PCDHGB7: variants seen among roughly 807,000 people sequenced by gnomAD.
The protein encoded by PCDHGB7 is protocadherin gamma subfamily B, 7, also known as protocadherin gamma-B7.
A neutral mutation model predicts 61.4 loss-of-function variants in PCDHGB7; 37 were observed. That is an observed-to-expected ratio of 0.60 (90% confidence interval 0.46 to 0.79). The LOEUF (loss-of-function observed/expected upper bound fraction) is 0.79, where lower values mean the gene tolerates loss of function less well. PCDHGB7 is among the 30% of genes least tolerant of loss of function. The pLI is 0.00. For synonymous variants in PCDHGB7, 464 were observed against 503.5 expected, an observed-to-expected ratio of 0.92 and a Z score of 1.05; for missense variants, 1,166 against 1,202.5, an observed-to-expected ratio of 0.97 and a Z score of 0.45.
In PCDHGB7 at chr5:141,476,659, G is replaced by A; in HGVS notation, c.2416-18148G>A. On this transcript the variant is annotated intron_variant, in intron 1 of 3. Coordinates refer to ENST00000398594, the MANE Select transcript of PCDHGB7 (RefSeq NM_018927.4). The surrounding 1 kb of genome is among the most constrained non-coding windows in gnomAD (Gnocchi z 7.6). ...AGCTGAGCCGAAATGAATACTTTGC[G>A]CTTCGCGTGCAGACGCGGGAGGACA... 2 of 1,614,252 alleles carry A rather than the reference G, an allele frequency of 1.2e-6. No homozygotes were observed. Among genetic ancestry groups the A allele is most frequent in the Non-Finnish European group, 8.5e-7 (1 of 1,180,048 alleles).
intron 1 of PCDHGB7, among the ~76,000 whole-genome samples, chr5:141,469,103 C>G (rs949254605): frequency 6.6e-6 from 1 of 151,844 alleles, no homozygotes; most frequent in Non-Finnish European, 1.5e-5. Flanking sequence ...AAAGCAAGAA[C>G]CTGTCTCTAA....
In PCDHGB7 at chr5:141,490,647, G is replaced by T; in HGVS notation, c.2416-4160G>T. 6.2e-7 allele frequency: 1 copy of T among 1,614,084 alleles called. No homozygotes were observed. Among genetic ancestry groups the T allele is most frequent in the Non-Finnish European group, 8.5e-7 (1 of 1,180,014 alleles). ...CTTACATCCTAGAAAACCGGCCTCCGGGCTCCCTTCTTTGCACTGTGGCTG... is the reference window on the plus strand; with the variant it reads ...CTTACATCCTAGAAAACCGGCCTCCTGGCTCCCTTCTTTGCACTGTGGCTG... On this transcript the variant is annotated intron_variant, in intron 1 of 3. Transcript: ENST00000398594. This position sits in a 1 kb window ranked among gnomAD's most constrained non-coding sequence, Gnocchi z 5.4.
intron 1 of PCDHGB7, among the ~76,000 whole-genome samples, chr5:141,494,469 C>T (rs2099754623): frequency 6.6e-6 from 1 of 152,114 alleles, no homozygotes; most frequent in Non-Finnish European, 1.5e-5. Flanking sequence ...GCACCTCTTC[C>T]CCCAGTTCCA....
At chr5:141,478,044 C>T in intron 1 of PCDHGB7, 2 of 1,614,184 alleles carry the variant, frequency 1.2e-6, no homozygotes, top group South Asian at 1.1e-5. Flanking sequence ...CCCAGGCAGA[C>T]TCTCACGGTC....
chr5:141,458,249 GCT>G (rs1291613361), intron 1 of PCDHGB7, among the ~76,000 whole-genome samples: 1 of 152,136 alleles, frequency 6.6e-6, no homozygotes, highest in African/African-American at 2.4e-5. Flanking sequence ...AAATGATACG[GCT>G]CTGATGAGTG....
At position 141,487,763 on chromosome 5, in the gene PCDHGB7, G is replaced by A; in HGVS notation, c.2416-7044G>A. ...AAGAGGTAACTATGTGGTAGACGCT[G>A]TGCTTTGTAACTGTTTCGTGAATTA... On this transcript the variant is annotated intron_variant, in intron 1 of 3. Coordinates refer to ENST00000398594, the MANE Select transcript of PCDHGB7 (RefSeq NM_018927.4). This position sits in a 1 kb window ranked among gnomAD's most constrained non-coding sequence, Gnocchi z 5.0. 6.5e-7 allele frequency: 1 copy of A among 1,544,968 alleles called. No homozygotes were observed. The highest frequency in any genetic ancestry group is 1.2e-5 in the South Asian group (1 of 83,382).
intron 1 of PCDHGB7, among the ~76,000 whole-genome samples, chr5:141,446,174 G>A (rs1242027176): frequency 1.3e-5 from 2 of 152,062 alleles, no homozygotes; most frequent in Non-Finnish European, 2.9e-5. Context: ...GAGGGCAGGG[G>A]GTGTTTTGTT....
intron 1 of PCDHGB7, 48 bp from the exon 2 acceptor site, chr5:141,494,759 C>CT: frequency 6.2e-7 from 1 of 1,613,886 alleles, no homozygotes; most frequent in Non-Finnish European, 8.5e-7. Flanking sequence ...GGGTGACATT[C>CT]TAACTTCTCA....
At chr5:141,478,137 G>C (rs762316494) in intron 1 of PCDHGB7, 1 of 1,613,872 alleles carries the variant, frequency 6.2e-7, no homozygotes, top group South Asian at 1.1e-5. Context: ...CCTGAAGCCC[G>C]AGCCGAGTTC....
rs773471969 is a variant in PCDHGB7, at chr5:141,422,101, A to G, written c.2415+1827A>G. 11 of 1,610,046 alleles carry G rather than the reference A, an allele frequency of 6.8e-6. No individual in the cohort carries two copies. The highest frequency in any genetic ancestry group is 4.5e-5 in the East Asian group (2 of 44,870). ...GAACATGGAAAGCAAGGCTTCTGAA[A>G]TATTCCAATTGGATTCACAAACTGG... On this transcript the variant is annotated intron_variant, in intron 1 of 3. Coordinates refer to ENST00000398594, the MANE Select transcript of PCDHGB7 (RefSeq NM_018927.4).
chr5:141,470,323 A>C (rs1029928511), intron 1 of PCDHGB7, among the ~76,000 whole-genome samples: 1 of 152,188 alleles, frequency 6.6e-6, no homozygotes, highest in African/African-American at 2.4e-5. Flanking sequence ...AAATGATCCC[A>C]TAATTTGACC....
chr5:141,441,764 C>A, intron 1 of PCDHGB7: 1 of 384,482 alleles, frequency 2.6e-6, no homozygotes, highest in South Asian at 2.1e-5. Flanking sequence ...TGAGCCTGCG[C>A]GTGTTGGTGG....
At chr5:141,455,128 T>C (rs2098813900) in intron 1 of PCDHGB7, among the ~76,000 whole-genome samples, 2 of 151,962 alleles carry the variant, frequency 1.3e-5, no homozygotes, top group Admixed American at 6.6e-5. Context: ...ATGTTTTAAA[T>C]TACACTGTGT....
In PCDHGB7 at chr5:141,487,414, T is replaced by C; in HGVS notation, c.2416-7393T>C. On this transcript the variant is annotated intron_variant, in intron 1 of 3. Coordinates refer to ENST00000398594, the MANE Select transcript of PCDHGB7 (RefSeq NM_018927.4). This position sits in a 1 kb window ranked among gnomAD's most constrained non-coding sequence, Gnocchi z 5.0. The stretch of plus-strand genomic sequence containing the variant: ...GGAGGGAGGGGCTTCCCCCTTCCAA[T>C]GGGATCCTCCGAATCCAGCTAGGGT... 3.7e-6 allele frequency: 6 copies of C among 1,614,174 alleles called. No individual in the cohort carries two copies. The highest frequency in any genetic ancestry group is 5.1e-6 in the Non-Finnish European group (6 of 1,180,006).
Position 141,501,290 on chromosome 5 carries a change from TACACACAC to T in PCDHGB7, c.2475-4066_2475-4059del, listed in dbSNP as rs55762287. 3.7e-3 allele frequency among the ~76,000 whole-genome samples: 499 copies of T among 136,222 alleles called. 2 individuals carry two copies. Among genetic ancestry groups the T allele is most frequent in the Middle Eastern group, 0.033 (9 of 270 alleles). 89.4% of individuals were successfully genotyped at this position (136,222 alleles called of 152,430 possible). On this transcript the variant is annotated intron_variant, in intron 2 of 3. Transcript: ENST00000398594. ...GTCCAGTCTATGGGATATTCCCTTA[TACACACAC>T]ACACACACACACACACACACACACA... is the stretch of plus-strand genomic sequence containing the variant.
chr5:141,421,766 C>T, intron 1 of PCDHGB7: 2 of 1,613,868 alleles, frequency 1.2e-6, no homozygotes, highest in South Asian at 1.1e-5. Context: ...AATTACTTTT[C>T]CTTGCAACTG....
In PCDHGB7 at chr5:141,441,877, C is replaced by T. The variant is rs945298341; in HGVS notation, c.2415+21603C>T. ...GCTGCACGCCGCGGAGCCTGGCTACCTGGTCACCAAGGTGGTGGCTGTAGA... is the reference window on the plus strand; with the variant it reads ...GCTGCACGCCGCGGAGCCTGGCTACTTGGTCACCAAGGTGGTGGCTGTAGA... On this transcript the variant is annotated intron_variant, in intron 1 of 3. Transcript: ENST00000398594. 4 of 343,582 alleles carry T rather than the reference C, an allele frequency of 1.2e-5. No homozygotes were observed. In the Admixed American group the frequency reaches 1.6e-4, roughly 13 times the overall value. 21.3% of individuals were successfully genotyped at this position (343,582 alleles called of 1,614,324 possible).
chr5:141,433,076 C>T, intron 1 of PCDHGB7: 1 of 1,614,188 alleles, frequency 6.2e-7, no homozygotes, highest in Non-Finnish European at 8.5e-7. Context: ...CTTCCCCCAG[C>T]CCAACTATGC....
At chr5:141,484,795 C>G (rs1265916821) in intron 1 of PCDHGB7, among the ~76,000 whole-genome samples, 1 of 151,902 alleles carries the variant, frequency 6.6e-6, no homozygotes, top group Middle Eastern at 3.4e-3. Flanking sequence ...AGATAACAAC[C>G]CGTGGAAAAA....
Sources: gnomAD v4.1 joint callset for allele counts (sites outside exome capture counted in the v4.1 genomes callset) on GRCh38, gnomAD v4.1.1 for gene constraint, Gnocchi (gnomAD v3.1) non-coding constraint, MANE v1.5 for transcripts, NCBI Gene and HGNC (gene_info 2026-07-23, HGNC 2026-07-21) for gene names.